YES1: variants seen among roughly 807,000 people sequenced by gnomAD.
YES1 encodes YES proto-oncogene 1, Src family tyrosine kinase.
YES1 carries 39 observed loss-of-function variants against 70.4 expected under a neutral mutation model. That is an observed-to-expected ratio of 0.55 (90% CI 0.43 to 0.72). The LOEUF (loss-of-function observed/expected upper bound fraction) is 0.72. Among genes scored for constraint, YES1 ranks in the 30% least tolerant of loss-of-function variants. The pLI is 0.00. For missense variants in YES1, 495 were observed against 644.8 expected (o/e 0.77, Z 2.52); for synonymous variants, 198 against 218.6 (o/e 0.91, Z 0.83).
At chr18:767,517 T>C (rs1904967850) in intron 1 of YES1, among the ~76,000 whole-genome samples, 1 of 152,158 alleles carries the variant, frequency 6.6e-6, no homozygotes, top group Admixed American at 6.5e-5. Context: ...AACCTATCCA[T>C]TTCCCACTGA....
At position 736,940 on chromosome 18, in the gene YES1, T is replaced by C. The variant is rs1398312600; in HGVS notation, c.1159A>G (p.Ile387Val). 1.2e-6 allele frequency: 2 copies of C among 1,609,642 alleles called. No homozygotes were observed. The highest frequency in any genetic ancestry group is 1.1e-5 in the South Asian group (1 of 90,860). The change falls in exon 10 of 12, where the codon ATT becomes GTT. Residue 387 changes from isoleucine to valine, a missense_variant. This residue lies in a region of YES1 where 385 missense variants were observed against 540.9 expected (regional missense o/e 0.71). Coordinates refer to ENST00000314574, the MANE Select transcript of YES1 (RefSeq NM_005433.4). ...CGGTGAATATAGTTCATTCTTTCAA[T>C]ATATGCCATACCATCAGCAATCTTG... ...AAQIADGMAY[I>V]ERMNYIHRDL...
Position 724,419 on chromosome 18 carries a change from T to C in YES1, c.*5A>G, listed in dbSNP as rs762172228. ...GATTTGTGCATATAAAATAGGCTAC[T>C]TGAATTATAAATTTTCTCCTGGCTG... is the stretch of plus-strand genomic sequence containing the variant. On this transcript the variant is annotated 3_prime_UTR_variant, in exon 12 of 12. Coordinates refer to ENST00000314574, the MANE Select transcript of YES1 (RefSeq NM_005433.4). 1.2e-6 allele frequency: 2 copies of C among 1,612,714 alleles called. No homozygotes were observed. The highest frequency in any genetic ancestry group is 1.1e-5 in the South Asian group (1 of 90,980).
At chr18:739,929 A>G in intron 8 of YES1, 118 bp from the exon 9 acceptor site, 1 of 785,290 alleles carries the variant, frequency 1.3e-6, no homozygotes, top group South Asian at 2.6e-5. Context: ...TTTTTTTTAA[A>G]TTTTGTGCAG....
intron 1 of YES1, among the ~76,000 whole-genome samples, chr18:786,394 G>C (rs1454537448): frequency 6.6e-6 from 1 of 151,948 alleles, no homozygotes; most frequent in Non-Finnish European, 1.5e-5. Flanking sequence ...ACTGGCAAGA[G>C]AGCTAAGGAA....
chr18:764,985 T>C (rs1326801639), intron 1 of YES1, among the ~76,000 whole-genome samples: 24 of 151,758 alleles, frequency 1.6e-4, no homozygotes, highest in Admixed American at 1.4e-3. Context: ...CCGTCCGCCT[T>C]AGCCTCCCAA....
intron 1 of YES1, among the ~76,000 whole-genome samples, chr18:799,732 CACAAAT>C (rs1273901025): frequency 1.3e-5 from 2 of 150,294 alleles, no homozygotes; most frequent in East Asian, 2.0e-4. Flanking sequence ...AAATAAAAAA[CACAAAT>C]ACAAATACAA....
At position 756,695 on chromosome 18, in the gene YES1, A is replaced by G; in HGVS notation, c.133T>C (p.Ser45Pro). The G allele has an allele frequency of 6.2e-7, 1 of 1,614,212 alleles. No homozygotes were observed. The highest frequency in any genetic ancestry group is 8.5e-7 in the Non-Finnish European group (1 of 1,180,038). The change falls in exon 2 of 12, where the codon TCT (serine) becomes CCT (proline). Residue 45 changes from serine (S) to proline (P), a missense_variant. Around this residue, in one of 2 missense-constraint regions of YES1, gnomAD observed 110 missense variants for 104.0 expected, o/e 1.06. Coordinates refer to ENST00000314574, the MANE Select transcript of YES1 (RefSeq NM_005433.4). ...TTAACTGCTGTTCCCTTTGCTGAAGATGACGGACATGGTGACACTGTAGTG... is the reference window on the plus strand; with the variant it reads ...TTAACTGCTGTTCCCTTTGCTGAAGGTGACGGACATGGTGACACTGTAGTG... ...EPTTVSPCPS[S>P]SAKGTAVNFS... is the part of the protein sequence containing the mutation.
intron 1 of YES1, chr18:775,360 A>G (rs1414230704): frequency 1.3e-5 from 2 of 152,240 alleles, no homozygotes; most frequent in African/African-American, 2.4e-5. Context: ...CTCAACACCA[A>G]TGTACTCACC....
chr18:779,436 T>C (rs1032695839), intron 1 of YES1, among the ~76,000 whole-genome samples: 3 of 150,670 alleles, frequency 2.0e-5, no homozygotes, highest in Non-Finnish European at 3.0e-5. Flanking sequence ...AAGAAATGTA[T>C]AGAATAATTT....
At chr18:757,369 G>A (rs575317574) in intron 1 of YES1, among the ~76,000 whole-genome samples, 337 of 152,194 alleles carry the variant, frequency 2.2e-3, no homozygotes, top group Middle Eastern at 0.01. Context: ...CGGGCGTGGT[G>A]GTGGGCGCCT....
At chr18:798,446 C>T (rs3875086) in intron 1 of YES1, among the ~76,000 whole-genome samples, 55,343 of 151,906 alleles carry the variant, frequency 0.36, 10,849 homozygotes, top group African/African-American at 0.49. Context: ...TTCTGACTTA[C>T]AGTGCATGCA....
intron 11 of YES1, among the ~76,000 whole-genome samples, chr18:729,616 GAACTT>G (rs1163373458): frequency 8.2e-6 from 1 of 121,936 alleles, no homozygotes; most frequent in African/African-American, 3.1e-5. Context: ...TATTGATTTT[GAACTT>G]TTTTTTTTTT....
At chr18:782,687 C>T (rs919059679) in intron 1 of YES1, among the ~76,000 whole-genome samples, 2 of 151,536 alleles carry the variant, frequency 1.3e-5, no homozygotes, top group Middle Eastern at 3.2e-3. Context: ...ATTATTTTTT[C>T]TTTCTAATTT....
chr18:723,159 T>G lies in YES1; in HGVS notation c.*1265A>C, dbSNP rs2079979931. 1 of 152,222 alleles carries G rather than the reference T, an allele frequency of 6.6e-6. No homozygotes were observed. The highest frequency in any genetic ancestry group is 2.4e-5 in the African/African-American group (1 of 41,460). 9.4% of individuals were successfully genotyped at this position (152,222 alleles called of 1,614,324 possible). ...TTTGAAAACTGGAGTTCTAAAAATG[T>G]TTTACATAAAAACCATATCCCACTG... On this transcript the variant is annotated 3_prime_UTR_variant, in exon 12 of 12. Transcript: ENST00000314574.
chr18:770,741 C>A (rs1290692177), intron 1 of YES1, among the ~76,000 whole-genome samples: 2 of 152,118 alleles, frequency 1.3e-5, no homozygotes, highest in African/African-American at 2.4e-5. Context: ...CTGCTGTTGT[C>A]CAAAGTCTAA....
chr18:796,624 G>A (rs1053314376), intron 1 of YES1, among the ~76,000 whole-genome samples: 24 of 152,158 alleles, frequency 1.6e-4, no homozygotes, highest in Middle Eastern at 3.4e-3. Context: ...AAAATTAGCC[G>A]GGCGTGGTGG....
Position 739,745 on chromosome 18 carries a change from A to G in YES1, c.1127T>C (p.Met376Thr), listed in dbSNP as rs775428573. The stretch of plus-strand genomic sequence containing the variant: ...TATATATACAGATACCTGAGCAGCC[A>G]TATCAACCAGCTGTGGAAGCTTCAA... ...KYLKLPQLVD[M>T]AAQIADGMAY... Residue 376 changes from methionine (M) to threonine (T), a missense_variant, in exon 9 of 12, where the codon ATG becomes ACG. Met to Thr is a moderately conservative substitution (Grantham distance 81). This residue lies in a region of YES1 where 385 missense variants were observed against 540.9 expected (regional missense o/e 0.71). Transcript: ENST00000314574. 8 of 1,612,368 alleles carry G rather than the reference A, an allele frequency of 5.0e-6. No homozygotes were observed. Among genetic ancestry groups the G allele is most frequent in the Admixed American group, 1.7e-5 (1 of 59,816 alleles).
intron 1 of YES1, among the ~76,000 whole-genome samples, chr18:784,715 C>T (rs1410144885): frequency 6.6e-6 from 1 of 152,172 alleles, no homozygotes; most frequent in Admixed American, 6.6e-5. Context: ...CTTTCTGATG[C>T]TGCTTTGTTG....
At chr18:777,709 A>T (rs1905451172) in intron 1 of YES1, among the ~76,000 whole-genome samples, 1 of 151,620 alleles carries the variant, frequency 6.6e-6, no homozygotes, top group Non-Finnish European at 1.5e-5. Context: ...TGGGAGGCTG[A>T]GGCAGGAGCA....
Sources: gnomAD v4.1 joint callset for allele counts (sites outside exome capture counted in the v4.1 genomes callset) on GRCh38, gnomAD v4.1.1 for gene constraint, gnomAD v4.1.1 regional missense constraint, MANE v1.5 for transcripts, NCBI Gene and HGNC (gene_info 2026-07-23, HGNC 2026-07-21) for gene names.